TMPRSS12: variants seen among roughly 807,000 people sequenced by gnomAD.
TMPRSS12 encodes transmembrane protease serine 12.
In TMPRSS12, 25 loss-of-function variants were observed where a neutral mutation model predicts 26.0. The observed-to-expected ratio is 0.96, with a 90% CI of 0.70 to 1.34. The LOEUF (loss-of-function observed/expected upper bound fraction) is 1.34. Ranked by LOEUF, TMPRSS12 falls within the 40% of genes most tolerant of loss-of-function variation. The probability of loss-of-function intolerance (pLI) is 0.00; values close to 1 mark genes in which losing one functional copy is unlikely to be tolerated. For missense variants in TMPRSS12, 441 were observed against 440.1 expected (o/e 1.00, Z -0.02); for synonymous variants, 150 against 161.7 (o/e 0.93, Z 0.55).
Position 50,858,770 on chromosome 12 carries a change from T to C in TMPRSS12, c.384-15T>C. ...ATTAAAGATATTTATAATAAGAATG[T>C]TTACTTTCTTTCAGCGATCCTTTAA... On this transcript the variant is annotated splice_polypyrimidine_tract_variant and intron_variant, in intron 2 of 4. Transcript: ENST00000398458. 6.7e-7 allele frequency: 1 copy of C among 1,500,860 alleles called. No homozygotes were observed. The highest frequency in any genetic ancestry group is 1.4e-5 in the African/African-American group (1 of 71,142). 93.0% of individuals were successfully genotyped at this position (1,500,860 alleles called of 1,614,324 possible). A position where few individuals can be genotyped will look rare whatever the true frequency, so the allele number is the denominator to read the frequency against.
chr12:50,887,027 G>T, intron 4 of TMPRSS12: 1 of 448,898 alleles, frequency 2.2e-6, no homozygotes, highest in Non-Finnish European at 3.9e-6. Context: ...AAACCAGGCA[G>T]ATGAGAAATT....
chr12:50,864,597 AT>A (rs1937971094), intron 3 of TMPRSS12, among the ~76,000 whole-genome samples: 1 of 152,222 alleles, frequency 6.6e-6, no homozygotes, highest in Non-Finnish European at 1.5e-5. Flanking sequence ...GAATAAAAAA[AT>A]ATGTAAATTG....
chr12:50,853,443 G>C (rs1319071546), intron 2 of TMPRSS12, among the ~76,000 whole-genome samples: 4 of 151,880 alleles, frequency 2.6e-5, no homozygotes, highest in African/African-American at 9.7e-5. Flanking sequence ...CAACCCCAAA[G>C]CTAGCAGAAG....
intron 3 of TMPRSS12, among the ~76,000 whole-genome samples, chr12:50,860,006 T>C (rs898593424): frequency 6.6e-6 from 1 of 152,194 alleles, no homozygotes; most frequent in African/African-American, 2.4e-5. Flanking sequence ...CTATTTTTCC[T>C]TGTGGGATAG....
intron 3 of TMPRSS12, among the ~76,000 whole-genome samples, chr12:50,859,336 C>A (rs829139): frequency 0.65 from 98,114 of 151,500 alleles, 32,057 homozygotes; most frequent in Non-Finnish European, 0.7. Flanking sequence ...CTGCCTCAGC[C>A]TCCCAAGTAG....
chr12:50,851,456 A>G (rs1937825561), intron 2 of TMPRSS12, among the ~76,000 whole-genome samples: 1 of 152,220 alleles, frequency 6.6e-6, no homozygotes, highest in South Asian at 2.1e-4. Flanking sequence ...TGAGAAAAGA[A>G]TCTCAGAGCT....
chr12:50,887,722 T>A lies in TMPRSS12; in HGVS notation c.*209T>A. 2 of 521,166 alleles carry A rather than the reference T, an allele frequency of 3.8e-6. No individual in the cohort carries two copies. Among genetic ancestry groups the A allele is most frequent in the Non-Finnish European group, 6.5e-6 (2 of 307,506 alleles). The allele number at this position is 521,166 out of a possible 1,614,324, so 32.3% of individuals were successfully genotyped here. ...TCCTTGAAATATCTTGATTATTTTA[T>A]AATCATAATTCTGTATCTGGAATAC... is the stretch of plus-strand genomic sequence containing the variant. On this transcript the variant is annotated 3_prime_UTR_variant, in exon 5 of 5. Transcript: ENST00000398458.
At chr12:50,879,177 AC>A (rs1938141134) in intron 3 of TMPRSS12, among the ~76,000 whole-genome samples, 2 of 152,344 alleles carry the variant, frequency 1.3e-5, no homozygotes, top group East Asian at 3.9e-4. Flanking sequence ...TGGATCATAG[AC>A]CTAAGTATAA....
In TMPRSS12 at chr12:50,872,743, T is replaced by TG. The variant is rs767637269; in HGVS notation, c.653-12503_653-12502insG. Among the ~76,000 whole-genome samples, 74 of 23,090 alleles carry TG rather than the reference T, an allele frequency of 3.2e-3. 2 individuals carry two copies. The highest frequency in any genetic ancestry group is 4.7e-3 in the South Asian group (3 of 636). 15.1% of individuals were successfully genotyped at this position (23,090 alleles called of 152,430 possible). A position where few individuals can be genotyped will look rare whatever the true frequency, so the allele number is the denominator to read the frequency against. ...TATGACGTATATATGTACATATATA[T>TG]ACGTCTATATATGTACATATATATG... On this transcript the variant is annotated intron_variant, in intron 3 of 4. Transcript: ENST00000398458.
At chr12:50,860,757 G>A (rs1183825747) in intron 3 of TMPRSS12, among the ~76,000 whole-genome samples, 1 of 152,076 alleles carries the variant, frequency 6.6e-6, no homozygotes, top group Non-Finnish European at 1.5e-5. Context: ...CTACAGGCAT[G>A]TGCCACCATG....
At chr12:50,852,625 C>T (rs1427722688) in intron 2 of TMPRSS12, among the ~76,000 whole-genome samples, 6 of 151,912 alleles carry the variant, frequency 3.9e-5, no homozygotes, top group Admixed American at 6.6e-5. Context: ...TGATCAGGTT[C>T]GTCTTGAACT....
At position 50,858,861 on chromosome 12, in the gene TMPRSS12, A is replaced by G. The variant is rs1449841725; in HGVS notation, c.460A>G (p.Ile154Val). The change falls in exon 3 of 5, where the codon ATT (isoleucine) becomes GTT (valine). Residue 154 changes from isoleucine to valine, a missense_variant. Physicochemically the swap from Ile to Val is conservative, Grantham distance 29. Coordinates refer to ENST00000398458, the MANE Select transcript of TMPRSS12 (RefSeq NM_182559.3). ...GRYPHTKKIK[I>V]KAIIIHPNFI... Reference sequence around the variant, plus strand: ...CTATCCTCATACCAAGAAGATAAAAATTAAAGCAATCATTATTCATCCAAA... The same window carrying G: ...CTATCCTCATACCAAGAAGATAAAAGTTAAAGCAATCATTATTCATCCAAA... 6.2e-7 allele frequency: 1 copy of G among 1,602,340 alleles called. No individual in the cohort carries two copies. The highest frequency in any genetic ancestry group is 1.7e-5 in the Admixed American group (1 of 58,570).
At chr12:50,867,677 G>T (rs1938004498) in intron 3 of TMPRSS12, among the ~76,000 whole-genome samples, 1 of 152,136 alleles carries the variant, frequency 6.6e-6, no homozygotes, top group Non-Finnish European at 1.5e-5. Context: ...CTGTCATCAG[G>T]TTATCTAAAG....
chr12:50,870,580 T>C (rs1237731942), intron 3 of TMPRSS12, among the ~76,000 whole-genome samples: 3 of 152,046 alleles, frequency 2.0e-5, no homozygotes, highest in East Asian at 1.9e-4. Context: ...CTCTTCAACA[T>C]AGTACTGGAA....
At chr12:50,844,945 G>C (rs1175739318) in intron 2 of TMPRSS12, among the ~76,000 whole-genome samples, 1 of 152,158 alleles carries the variant, frequency 6.6e-6, no homozygotes, top group Non-Finnish European at 1.5e-5. Flanking sequence ...CCAATGCTTT[G>C]GGAAGCCAAG....
At chr12:50,855,460 C>A (rs1210711055) in intron 2 of TMPRSS12, among the ~76,000 whole-genome samples, 5 of 152,116 alleles carry the variant, frequency 3.3e-5, no homozygotes, top group Admixed American at 1.3e-4. Context: ...AAAAAATGCT[C>A]AACATCACTA....
chr12:50,851,001 T>C (rs778149801), intron 2 of TMPRSS12, among the ~76,000 whole-genome samples: 7 of 152,126 alleles, frequency 4.6e-5, no homozygotes, highest in Non-Finnish European at 8.8e-5. Flanking sequence ...ACCCAACTTA[T>C]AACACAGTCA....
intron 3 of TMPRSS12, among the ~76,000 whole-genome samples, chr12:50,875,255 C>T (rs1938101751): frequency 6.6e-6 from 1 of 151,888 alleles, no homozygotes; most frequent in Admixed American, 6.6e-5. Flanking sequence ...TTTGGGAGGC[C>T]AAGGTGGGCG....
At chr12:50,860,499 T>A (rs1937924462) in intron 3 of TMPRSS12, among the ~76,000 whole-genome samples, 1 of 152,226 alleles carries the variant, frequency 6.6e-6, no homozygotes. Context: ...CACTGCAGCC[T>A]CAAACTCCTG....
Sources: allele counts gnomAD v4.1 joint callset (sites outside exome capture counted in the v4.1 genomes callset), GRCh38; gene constraint gnomAD v4.1.1; transcripts MANE v1.5; gene names NCBI Gene and HGNC (gene_info 2026-07-23, HGNC 2026-07-21).